The following EVA1A variants were observed in gnomAD, a reference collection of about 807,000 sequenced individuals.
The protein encoded by EVA1A is protein eva-1 homolog A.
A neutral mutation model predicts 9.8 loss-of-function variants in EVA1A; 7 were observed. The observed-to-expected ratio is 0.71, with a 90% CI of 0.41 to 1.34. EVA1A has a LOEUF of 1.34. Among genes scored for constraint, EVA1A ranks in the 40% most tolerant of loss-of-function variants. The pLI is 0.01. For synonymous variants in EVA1A, 90 were observed against 85.6 expected, an observed-to-expected ratio of 1.05 and a Z score of -0.28; for missense variants, 206 against 205.9, an observed-to-expected ratio of 1.00 and a Z score of 0.00.
At chr2:75,545,577 C>T (rs1426321621) in intron 1 of EVA1A, among the ~76,000 whole-genome samples, 1 of 152,110 alleles carries the variant, frequency 6.6e-6, no homozygotes, top group Non-Finnish European at 1.5e-5. Flanking sequence ...AGGCCTTAAG[C>T]AGTGAGATTT....
At chr2:75,523,954 G>T (rs1160251952) in intron 1 of EVA1A, 1 of 150,602 alleles carries the variant, frequency 6.6e-6, no homozygotes, top group South Asian at 2.2e-4. Context: ...GGACCCAGCT[G>T]GGGGGTAATT....
chr2:75,567,788 T>C (rs1028583070), intron 1 of EVA1A, among the ~76,000 whole-genome samples: 3 of 152,196 alleles, frequency 2.0e-5, no homozygotes, highest in Non-Finnish European at 4.4e-5. Flanking sequence ...CTTAAACCAG[T>C]GTCCGCGACC....
At chr2:75,559,707 G>T (rs1034907532) in intron 1 of EVA1A, among the ~76,000 whole-genome samples, 1 of 125,006 alleles carries the variant, frequency 8.0e-6, no homozygotes, top group African/African-American at 3.0e-5. Context: ...TGGGGGGGGG[G>T]CGGGGGAGTT....
At chr2:75,555,336 T>TCTCTCTCTCTCTCTCTCTATCTCC (rs766586263) in intron 1 of EVA1A, among the ~76,000 whole-genome samples, 1 of 102,744 alleles carries the variant, frequency 9.7e-6, no homozygotes, top group Non-Finnish European at 2.2e-5. Flanking sequence ...TCTCTCTCTC[T>TCTCTCTCTCTCTCTCTCTATCTCC]CCCCCATCTC....
chr2:75,493,102 A>G lies in EVA1A; in HGVS notation c.*134T>C. The G allele has an allele frequency of 5.3e-6, 7 of 1,319,142 alleles. No homozygotes were observed. Among genetic ancestry groups the G allele is most frequent in the African/African-American group, 1.5e-5 (1 of 67,994 alleles). 81.7% of individuals were successfully genotyped at this position (1,319,142 alleles called of 1,614,324 possible). ...AAAAAGGAGCAATCCTCCTGGCTAG[A>G]AAAGGGGCATGTCCTGCTTTTTCTC... is the stretch of plus-strand genomic sequence containing the variant. On this transcript the variant is annotated 3_prime_UTR_variant, in exon 4 of 4. Transcript: ENST00000393913.
chr2:75,561,138 GCCT>G (rs1447015734), upstream of EVA1A: 2 of 152,124 alleles, frequency 1.3e-5, no homozygotes, highest in African/African-American at 2.4e-5. Context: ...ACTCCTGCCT[GCCT>G]CCCCGCGCTG....
At chr2:75,497,132 GAATTTATGACCAAGTCTCCA>G (rs1361384835) in intron 3 of EVA1A, among the ~76,000 whole-genome samples, 1 of 152,132 alleles carries the variant, frequency 6.6e-6, no homozygotes, top group African/African-American at 2.4e-5. Flanking sequence ...CTTTGGCAAA[GAATTTATGACCAAGTCTCCA>G]AATGCAATTG....
At chr2:75,515,755 C>T (rs186094112) in intron 3 of EVA1A, among the ~76,000 whole-genome samples, 115 of 152,234 alleles carry the variant, frequency 7.6e-4, no homozygotes, top group Non-Finnish European at 1.3e-3. Flanking sequence ...GAAAGTCAGC[C>T]GTCTTCCTAA....
intron 3 of EVA1A, among the ~76,000 whole-genome samples, chr2:75,502,854 A>G (rs947616560): frequency 2.0e-5 from 3 of 152,216 alleles, no homozygotes; most frequent in East Asian, 1.9e-4. Flanking sequence ...TCTGCCTGAT[A>G]CTCAAAAGTT....
chr2:75,509,449 T>G (rs533039538), intron 3 of EVA1A, among the ~76,000 whole-genome samples: 1 of 152,270 alleles, frequency 6.6e-6, no homozygotes, highest in Admixed American at 6.5e-5. Context: ...AATTTTTTAT[T>G]TTGAGGGAGC....
chr2:75,524,446 C>T (rs1402880853), intron 1 of EVA1A, among the ~76,000 whole-genome samples: 1 of 151,932 alleles, frequency 6.6e-6, no homozygotes, highest in African/African-American at 2.4e-5. Context: ...CCTTCTGCTG[C>T]CCTCTCCTCA....
intron 1 of EVA1A, among the ~76,000 whole-genome samples, chr2:75,533,307 G>C (rs1675745222): frequency 6.6e-6 from 1 of 152,044 alleles, no homozygotes; most frequent in Non-Finnish European, 1.5e-5. Flanking sequence ...GAAGTCAAAA[G>C]GCAGTAAGTA....
intron 3 of EVA1A, among the ~76,000 whole-genome samples, chr2:75,510,563 G>A (rs1248566846): frequency 3.3e-5 from 5 of 152,134 alleles, no homozygotes; most frequent in East Asian, 1.9e-4. Context: ...AACATGATTC[G>A]AATTCTGGTT....
At chr2:75,500,689 CTT>C (rs1674383904) in intron 3 of EVA1A, among the ~76,000 whole-genome samples, 2 of 151,860 alleles carry the variant, frequency 1.3e-5, no homozygotes, top group South Asian at 2.1e-4. Flanking sequence ...AGTTCTCTCT[CTT>C]ACCTCTCTCT....
intron 1 of EVA1A, among the ~76,000 whole-genome samples, chr2:75,566,281 T>C (rs770846886): frequency 1.8e-4 from 28 of 152,218 alleles, no homozygotes; most frequent in Non-Finnish European, 3.8e-4. Flanking sequence ...TAAATCAATG[T>C]TGACAGTTAT....
rs1007980970 is a variant in EVA1A, at chr2:75,494,825, A to G, written c.86-1216T>C. Among the ~76,000 whole-genome samples, 23 of 152,216 alleles carry G rather than the reference A, an allele frequency of 1.5e-4. 1 individual carries two copies. Among genetic ancestry groups the G allele is most frequent in the African/African-American group, 5.5e-4 (23 of 41,466 alleles). ...AATCAGTCACACATTGAAAGCCAGT[A>G]TAGGTATTTAGGAGTGGCCTCAGCA... On this transcript the variant is annotated intron_variant, in intron 3 of 3. Transcript: ENST00000393913.
At chr2:75,508,449 C>T (rs1674696328) in intron 3 of EVA1A, among the ~76,000 whole-genome samples, 1 of 152,112 alleles carries the variant, frequency 6.6e-6, no homozygotes, top group Non-Finnish European at 1.5e-5. Context: ...TCCTATAGCA[C>T]TCCCAGGCTT....
chr2:75,568,678 T>C (rs1031016483), intron 1 of EVA1A, among the ~76,000 whole-genome samples: 17 of 152,186 alleles, frequency 1.1e-4, no homozygotes, highest in African/African-American at 4.1e-4. Flanking sequence ...TCCTCATAGT[T>C]TGGCTCTCAT....
intron 1 of EVA1A, among the ~76,000 whole-genome samples, chr2:75,552,666 A>G (rs1225977630): frequency 6.6e-6 from 1 of 152,202 alleles, no homozygotes; most frequent in South Asian, 2.1e-4. Flanking sequence ...GACATTTCCC[A>G]TACTTCATTG....
Sources: gnomAD v4.1 joint callset for allele counts (sites outside exome capture counted in the v4.1 genomes callset) on GRCh38, gnomAD v4.1.1 for gene constraint, MANE v1.5 for transcripts, NCBI Gene and HGNC (gene_info 2026-07-23, HGNC 2026-07-21) for gene names.